ADAMTS7: variants seen among roughly 807,000 people sequenced by gnomAD.
ADAMTS7 encodes the protein A disintegrin and metalloproteinase with thrombospondin motifs 7.
A neutral mutation model predicts 172.6 loss-of-function variants in ADAMTS7; 89 were observed. The ratio of observed to expected loss-of-function variants is 0.52; its 90% CI spans 0.43 to 0.61. The LOEUF is 0.61. ADAMTS7 is among the 20% of genes least tolerant of loss of function. The pLI, the probability that ADAMTS7 is intolerant of heterozygous loss-of-function variation, is 0.00. For synonymous variants in ADAMTS7, 885 were observed against 978.4 expected, an observed-to-expected ratio of 0.90 and a Z score of 1.78; for missense variants, 1,973 against 2,355.6, an observed-to-expected ratio of 0.84 and a Z score of 3.36.
Position 78,789,760 on chromosome 15 carries a change from G to A in ADAMTS7, c.1107C>T (p.His369=), listed in dbSNP as rs1435943201. The change falls in exon 7 of 24, where the codon CAC becomes CAT. Residue 369 remains histidine, a synonymous_variant. Transcript: ENST00000388820. The stretch of plus-strand genomic sequence containing the variant: ...TGTCCTCGTTGATGCTGCAGCTGCG[G>A]TGCGGCTGGCACATGCCCGCCACAT... ...LSHVAGMCQP[H]RSCSINEDTG... The A allele has an allele frequency of 3.1e-6, 5 of 1,610,690 alleles. No homozygotes were observed. Among genetic ancestry groups the A allele is most frequent in the Non-Finnish European group, 4.2e-6 (5 of 1,179,002 alleles).
At chr15:78,794,271 G>A (rs2055616150) in intron 4 of ADAMTS7, among the ~76,000 whole-genome samples, 1 of 152,212 alleles carries the variant, frequency 6.6e-6, no homozygotes, top group African/African-American at 2.4e-5. Context: ...AAATGGGGGT[G>A]AGGCTTAGAT....
chr15:78,766,957 C>T lies in ADAMTS7; in HGVS notation c.2954G>A (p.Ser985Asn), dbSNP rs544627280. 2.2e-4 allele frequency: 349 copies of T among 1,610,738 alleles called. 2 individuals are homozygous for T. In the South Asian group the frequency reaches 3.6e-3, roughly 17 times the overall value. The change falls in exon 19 of 24, where the codon AGC becomes AAC. Residue 985 changes from serine (S) to asparagine (N), a missense_variant. Coordinates refer to ENST00000388820, the MANE Select transcript of ADAMTS7 (RefSeq NM_014272.5). ...VPCDEAQQPASEVTCSLPLCR... is the reference protein window; with the variant it reads ...VPCDEAQQPANEVTCSLPLCR... ...GAGTGGCAGAGAGCAGGTGACTTCG[C>T]TGGCTGGCTGCTGGGCCTCGTCACA...
At chr15:78,780,279 G>A (rs2055411437) in intron 8 of ADAMTS7, among the ~76,000 whole-genome samples, 1 of 151,896 alleles carries the variant, frequency 6.6e-6, no homozygotes, top group Non-Finnish European at 1.5e-5. Context: ...CCCACAAGAG[G>A]TCAAAGGAGA....
At chr15:78,791,074 A>T in intron 5 of ADAMTS7, 66 bp downstream of exon 5, 1 of 1,535,948 alleles carries the variant, frequency 6.5e-7, no homozygotes, top group South Asian at 1.2e-5. Context: ...AGCACAGGTC[A>T]TGCGGCAGGA....
chr15:78,760,442 C>T (rs2141465931), intron 23 of ADAMTS7, among the ~76,000 whole-genome samples: 1 of 152,226 alleles, frequency 6.6e-6, no homozygotes, highest in East Asian at 1.9e-4. Context: ...CTGGGACATC[C>T]CCCAGGCCCG....
rs372578847 is a variant in ADAMTS7 at position 78,796,599 on chromosome 15, G to A, written c.810C>T (p.Ile270=). Residue 270 remains isoleucine (I), a synonymous_variant, in exon 4 of 24, where the codon ATC becomes ATT. Coordinates refer to ENST00000388820, the MANE Select transcript of ADAMTS7 (RefSeq NM_014272.5). The stretch of plus-strand genomic sequence containing the variant: ...GCCCACACAGACTCACCATGTTCAT[G>A]ATGGTCAGCACATAGCTCTCAACCT... ...QPQVESYVLT[I]MNMVAGLFHD... is the part of the protein sequence containing the mutation. 9 of 1,611,410 alleles carry A rather than the reference G, an allele frequency of 5.6e-6. No individual in the cohort carries two copies. The African/African-American group carries it at 1.1e-4, about 19-fold the overall frequency.
Position 78,771,816 on chromosome 15 carries a change from C to G in ADAMTS7, c.2145G>C (p.Val715=), listed in dbSNP as rs1343039681. 6.2e-7 allele frequency: 1 copy of G among 1,611,324 alleles called. No homozygotes were observed. Residue 715 remains valine (V), a synonymous_variant, in exon 15 of 24, where the codon GTG becomes GTC. Coordinates refer to ENST00000388820, the MANE Select transcript of ADAMTS7 (RefSeq NM_014272.5). This position sits in a 1 kb window ranked among gnomAD's most constrained non-coding sequence, Gnocchi z 4.9. Reference sequence around the variant, plus strand: ...CGCGTGCGCCCGCTGGGATCAGCCCCACATCCACATACCCTGTCAGCCAAG... The same window carrying G: ...CGCGTGCGCCCGCTGGGATCAGCCCGACATCCACATACCCTGTCAGCCAAG... ...EEAEGLGYVD[V]GLIPAGAREI...
chr15:78,810,837 G>A, intron 1 of ADAMTS7: 2 of 305,750 alleles, frequency 6.5e-6, no homozygotes, highest in Non-Finnish European at 1.2e-5. Flanking sequence ...CACCCGAGGT[G>A]GGGAAACCGG....
intron 4 of ADAMTS7, among the ~76,000 whole-genome samples, chr15:78,796,049 G>GATGAGCAGGCCACAGATGAGCAGGTAC (rs2055639200): frequency 6.6e-6 from 1 of 152,202 alleles, no homozygotes; most frequent in Non-Finnish European, 1.5e-5. Context: ...GTCATGCCCA[G>GATGAGCAGGCCACAGATGAGCAGGTAC]TTCACAGATG....
Position 78,766,503 on chromosome 15 carries a change from C to A in ADAMTS7, c.3408G>T (p.Gln1136His). 2 of 1,577,460 alleles carry A rather than the reference C, an allele frequency of 1.3e-6. No homozygotes were observed. The highest frequency in any genetic ancestry group is 1.8e-5 in the Admixed American group (1 of 55,590). ...GPWSPSPWPS[Q>H]AGRSPPPPSE... Reference sequence around the variant, plus strand: ...AGGGTGGGGGTGGGGAGCGGCCGGCCTGGCTAGGCCAAGGGCTCGGGGACC... The same window carrying A: ...AGGGTGGGGGTGGGGAGCGGCCGGCATGGCTAGGCCAAGGGCTCGGGGACC... Residue 1136 changes from glutamine to histidine, a missense_variant, in exon 19 of 24, where the codon CAG (glutamine) becomes CAT (histidine). Gln to His is a conservative substitution (Grantham distance 24). Transcript: ENST00000388820.
intron 23 of ADAMTS7, among the ~76,000 whole-genome samples, chr15:78,761,030 G>A (rs541830515): frequency 3.2e-4 from 49 of 152,314 alleles, no homozygotes; most frequent in African/African-American, 1.0e-3. Context: ...GGTGAGAGAC[G>A]TGGTGCCAGC....
At chr15:78,782,250 C>T (rs112408144) in intron 8 of ADAMTS7, among the ~76,000 whole-genome samples, 6 of 152,198 alleles carry the variant, frequency 3.9e-5, no homozygotes, top group East Asian at 1.9e-4. Flanking sequence ...AAGCTTGTCT[C>T]GAACTCCTGA....
At position 78,788,216 on chromosome 15, in the gene ADAMTS7, G is replaced by A. The variant is rs1484388936; in HGVS notation, c.1322+15C>T. The A allele has an allele frequency of 6.2e-7, 1 of 1,613,082 alleles. No homozygotes were observed. Among genetic ancestry groups the A allele is most frequent in the Non-Finnish European group, 8.5e-7 (1 of 1,179,956 alleles). ...CATGGATCAAGGTATAGGGGCCCAG[G>A]GCTGGGGGACTTACTCAAGGAACCT... On this transcript the variant is annotated intron_variant, in intron 8 of 23. Coordinates refer to ENST00000388820, the MANE Select transcript of ADAMTS7 (RefSeq NM_014272.5).
At chr15:78,769,044 C>T (rs1050753825) in intron 16 of ADAMTS7, among the ~76,000 whole-genome samples, 4 of 152,262 alleles carry the variant, frequency 2.6e-5, no homozygotes, top group African/African-American at 7.2e-5. Context: ...CCAGTGTGTC[C>T]GGGGGCCACC....
chr15:78,784,547 T>C (rs1428122914), intron 8 of ADAMTS7, among the ~76,000 whole-genome samples: 1 of 151,908 alleles, frequency 6.6e-6, no homozygotes, highest in East Asian at 1.9e-4. Flanking sequence ...TGTAAGAAAG[T>C]TGTCAAATAA....
chr15:78,775,726 T>A (rs888016035), intron 11 of ADAMTS7, among the ~76,000 whole-genome samples: 2 of 152,218 alleles, frequency 1.3e-5, no homozygotes, highest in African/African-American at 4.8e-5. Context: ...ACAGATGAGC[T>A]GCAGGGCTGA....
chr15:78,778,898 C>T (rs567038882), intron 8 of ADAMTS7, among the ~76,000 whole-genome samples: 6 of 151,888 alleles, frequency 4.0e-5, no homozygotes, highest in East Asian at 3.9e-4. Context: ...TGGGAGAACA[C>T]GAAAGGGTCA....
chr15:78,763,461 G>C (rs1309601198), intron 22 of ADAMTS7, among the ~76,000 whole-genome samples: 2 of 152,116 alleles, frequency 1.3e-5, no homozygotes, highest in Non-Finnish European at 2.9e-5. Flanking sequence ...CTCCTCCCTC[G>C]GGTCTCAACC....
chr15:78,809,484 C>T (rs2055838048), intron 1 of ADAMTS7, among the ~76,000 whole-genome samples: 1 of 152,160 alleles, frequency 6.6e-6, no homozygotes, highest in East Asian at 1.9e-4. Flanking sequence ...TGCCTCCACC[C>T]TCAAACAGCA....
Sources: allele counts gnomAD v4.1 joint callset (sites outside exome capture counted in the v4.1 genomes callset), GRCh38; gene constraint gnomAD v4.1.1; non-coding constraint Gnocchi (gnomAD v3.1); transcripts MANE v1.5; gene names NCBI Gene and HGNC (gene_info 2026-07-23, HGNC 2026-07-21).